Variants in KLF12 observed in about 807,000 individuals in gnomAD.
KLF12 encodes the protein Krueppel-like factor 12.
KLF12 carries 9 observed loss-of-function variants against 37.8 expected under a neutral mutation model. The observed-to-expected ratio is 0.24, with a 90% CI of 0.14 to 0.42. The LOEUF is 0.42. Ranked by LOEUF, KLF12 falls within the 10% of genes least tolerant of loss-of-function variation. The pLI, the probability that KLF12 is intolerant of heterozygous loss-of-function variation, is 1.00. For synonymous variants in KLF12, 208 were observed against 202.1 expected (o/e 1.03, Z -0.25); for missense variants, 411 against 516.0 (o/e 0.80, Z 1.97).
chr13:74,007,237 T>TGAAATCAGAAAAAGACA (rs11269792), intron 1 of KLF12, among the ~76,000 whole-genome samples: 10,740 of 151,374 alleles, frequency 0.071, 502 homozygotes, highest in Non-Finnish European at 0.1. Flanking sequence ...CTTTACCCAC[T>TGAAATCAGAAAAAGACA]GAAATCAGAA....
At chr13:73,832,780 T>A (rs533566806) in intron 4 of KLF12, among the ~76,000 whole-genome samples, 1 of 152,318 alleles carries the variant, frequency 6.6e-6, no homozygotes, top group East Asian at 1.9e-4. Context: ...TCCCTTCTAC[T>A]TAAGGTTTGT....
chr13:74,166,185 C>T, the KLF12 span, among the ~76,000 whole-genome samples: 1 of 150,954 alleles, frequency 6.6e-6, no homozygotes, highest in Non-Finnish European at 1.5e-5. Context: ...CTTGACTTCC[C>T]AGGCTCAGGT....
intron 5 of KLF12, among the ~76,000 whole-genome samples, chr13:73,797,769 CAAAAAAAAAAAAAAA>C (rs34644776): frequency 1.4e-5 from 1 of 71,686 alleles, no homozygotes; most frequent in Non-Finnish European, 2.7e-5. Flanking sequence ...GATCCTGTCT[CAAAAAAAAAAAAAAA>C]AAAAAAAAAG....
chr13:74,182,958 C>G, the KLF12 span, among the ~76,000 whole-genome samples: 2 of 152,038 alleles, frequency 1.3e-5, no homozygotes, highest in African/African-American at 4.8e-5. Context: ...ACCATTAACT[C>G]TTTCTCCAGG....
At chr13:74,121,661 T>C (rs868634775) in intron 1 of KLF12, among the ~76,000 whole-genome samples, 26 of 152,064 alleles carry the variant, frequency 1.7e-4, no homozygotes, top group African/African-American at 5.8e-4. Context: ...CCCAAGAATA[T>C]ATATAATTTA....
At chr13:73,991,492 T>C (rs146604901) in intron 2 of KLF12, among the ~76,000 whole-genome samples, 257 of 152,360 alleles carry the variant, frequency 1.7e-3, no homozygotes, top group African/African-American at 5.6e-3. Flanking sequence ...ATGCACACTT[T>C]TAGAACTTGA....
chr13:73,953,970 C>CTTTCTTTTTTT (rs1437808345), intron 2 of KLF12, among the ~76,000 whole-genome samples: 1 of 88,534 alleles, frequency 1.1e-5, no homozygotes, highest in African/African-American at 4.4e-5. Context: ...TTTTTTCTTT[C>CTTTCTTTTTTT]TTTTTTTTTT....
intron 2 of KLF12, among the ~76,000 whole-genome samples, chr13:73,948,371 G>A (rs1216566052): frequency 6.6e-6 from 1 of 152,146 alleles, no homozygotes; most frequent in African/African-American, 2.4e-5. Flanking sequence ...ACAGGCATGC[G>A]CCACCACGCC....
chr13:74,080,816 GACA>G (rs1446644858), intron 1 of KLF12, among the ~76,000 whole-genome samples: 2 of 152,186 alleles, frequency 1.3e-5, no homozygotes, highest in Non-Finnish European at 2.9e-5. Flanking sequence ...TGATCAGTTT[GACA>G]ACATCACTAA....
intron 1 of KLF12, among the ~76,000 whole-genome samples, chr13:74,083,125 C>T (rs1474380826): frequency 6.6e-6 from 1 of 152,104 alleles, no homozygotes; most frequent in Non-Finnish European, 1.5e-5. Context: ...AGCGTGGGGC[C>T]CACAGTCAGG....
At chr13:73,917,326 C>T (rs1888895736) in intron 3 of KLF12, among the ~76,000 whole-genome samples, 1 of 152,140 alleles carries the variant, frequency 6.6e-6, no homozygotes. Flanking sequence ...TAGAGTGATT[C>T]CTCTCATATT....
At chr13:73,901,207 A>G (rs1445567548) in intron 3 of KLF12, among the ~76,000 whole-genome samples, 1 of 152,216 alleles carries the variant, frequency 6.6e-6, no homozygotes, top group Non-Finnish European at 1.5e-5. Flanking sequence ...AAGTAGCACA[A>G]TGTCAGGTTC....
At chr13:73,790,632 G>A (rs1309222724) in intron 5 of KLF12, among the ~76,000 whole-genome samples, 1 of 152,124 alleles carries the variant, frequency 6.6e-6, no homozygotes. Flanking sequence ...ATGGTCCTGG[G>A]GGCTGACACT....
chr13:73,701,830 G>C (rs1400244715), intron 7 of KLF12, among the ~76,000 whole-genome samples: 1 of 151,782 alleles, frequency 6.6e-6, no homozygotes, highest in East Asian at 1.9e-4. Context: ...CCACTTCCAG[G>C]TTTTGTATTT....
chr13:73,877,945 T>C (rs1047025360), intron 3 of KLF12, among the ~76,000 whole-genome samples: 2 of 152,150 alleles, frequency 1.3e-5, no homozygotes, highest in African/African-American at 4.8e-5. Context: ...GCCACGACTC[T>C]ATCCTGTGCT....
chr13:73,896,805 A>G (rs1887789095), intron 3 of KLF12, among the ~76,000 whole-genome samples: 1 of 152,144 alleles, frequency 6.6e-6, no homozygotes, highest in Admixed American at 6.5e-5. Context: ...TCTTTTCTAT[A>G]CTACAAAGCC....
the KLF12 span, among the ~76,000 whole-genome samples, chr13:74,233,162 C>A: frequency 1.2e-4 from 18 of 152,132 alleles, no homozygotes; most frequent in Non-Finnish European, 2.2e-4. Flanking sequence ...GGATTACAAG[C>A]GTGAGCCACC....
Position 73,968,214 on chromosome 13 carries a change from T to C in KLF12, c.34-24144A>G, listed in dbSNP as rs926631500. Among the ~76,000 whole-genome samples, 4 of 152,220 alleles carry C rather than the reference T, an allele frequency of 2.6e-5. No homozygotes were observed. The South Asian group carries it at 6.2e-4, about 24-fold the overall frequency. On this transcript the variant is annotated intron_variant, in intron 2 of 7. Transcript: ENST00000377669. ...TACATTTGCTGCTTCTCATCTGTTG[T>C]AGACTTTGAAATGAGAAAAATAAGT...
the KLF12 span, among the ~76,000 whole-genome samples, chr13:74,184,395 T>A: frequency 1.3e-5 from 2 of 151,962 alleles, no homozygotes; most frequent in African/African-American, 4.8e-5. Flanking sequence ...ACCAACTCAA[T>A]ATAGTAAACC....
Sources: gnomAD v4.1 joint callset for allele counts (sites outside exome capture counted in the v4.1 genomes callset) on GRCh38, gnomAD v4.1.1 for gene constraint, MANE v1.5 for transcripts, NCBI Gene and HGNC (gene_info 2026-07-23, HGNC 2026-07-21) for gene names.